The following B9D1 variants were observed in gnomAD, a reference collection of about 807,000 sequenced individuals.
B9D1 encodes the protein B9 domain-containing protein 1.
In B9D1, 20 loss-of-function variants were observed where a neutral mutation model predicts 26.1. The observed-to-expected ratio is 0.77, with a 90% confidence interval of 0.54 to 1.12. The LOEUF (loss-of-function observed/expected upper bound fraction) is 1.12, where lower values mean the gene tolerates loss of function less well. Ranked by LOEUF, B9D1 falls within the 50% of genes most tolerant of loss-of-function variation. The pLI is 0.00. For synonymous variants in B9D1, 105 were observed against 103.1 expected, an observed-to-expected ratio of 1.02 and a Z score of -0.11; for missense variants, 260 against 273.7, an observed-to-expected ratio of 0.95 and a Z score of 0.35.
At chr17:19,341,396 A>G, downstream of B9D1, 1 of 1,104,262 alleles carries the variant, frequency 9.1e-7, no homozygotes. Context: ...TCGTCCCATG[A>G]CACGTGGGGC....
chr17:19,377,719 G>T (rs1912214168), intron 1 of B9D1: 1 of 482,064 alleles, frequency 2.1e-6, no homozygotes, highest in South Asian at 8.9e-5. Flanking sequence ...GGGTGGGTCG[G>T]GACAGCTCGG....
chr17:19,362,704 C>G lies in B9D1; in HGVS notation c.-135G>C, dbSNP rs761761167. On this transcript the variant is annotated 5_prime_UTR_variant, in exon 1 of 7. Coordinates refer to ENST00000261499, the MANE Select transcript of B9D1 (RefSeq NM_015681.6). Reference sequence around the variant, plus strand: ...CAGCGACACCTTCGCGAAGGCCACGCGAGTGCGCGTGTGGCATGCGCAGGC... The same window carrying G: ...CAGCGACACCTTCGCGAAGGCCACGGGAGTGCGCGTGTGGCATGCGCAGGC... 1.0e-5 allele frequency: 15 copies of G among 1,507,472 alleles called. No individual in the cohort carries two copies. In the South Asian group the frequency reaches 1.6e-4, roughly 16 times the overall value. 93.4% of individuals were successfully genotyped at this position (1,507,472 alleles called of 1,614,324 possible).
At chr17:19,336,137 G>A (rs1182469870), downstream of B9D1, 1 of 152,262 alleles carries the variant, frequency 6.6e-6, no homozygotes, top group Non-Finnish European at 1.5e-5. Context: ...CCAGTCCCAG[G>A]AGCCGTGTCT....
downstream of B9D1, among the ~76,000 whole-genome samples, chr17:19,342,581 G>A (rs1908090474): frequency 6.6e-6 from 1 of 152,152 alleles, no homozygotes; most frequent in African/African-American, 2.4e-5. Flanking sequence ...GCCTCCCAAA[G>A]TAATGCTGAA....
At chr17:19,337,492 G>A (rs1907544370), downstream of B9D1, 2 of 513,392 alleles carry the variant, frequency 3.9e-6, no homozygotes, top group African/African-American at 3.8e-5. Flanking sequence ...CCTGGCTCCT[G>A]GTGTCCACCC....
At position 19,344,038 on chromosome 17, in the gene B9D1, G is replaced by T. The variant is rs1051085061; in HGVS notation, c.405-181C>A. Reference sequence around the variant, plus strand: ...CCCAGTGGCTGGGCTCCAGCGTGGGGTGTCCCTTGCCGAGGTCACACAGCC... The same window carrying T: ...CCCAGTGGCTGGGCTCCAGCGTGGGTTGTCCCTTGCCGAGGTCACACAGCC... On this transcript the variant is annotated intron_variant, in intron 5 of 6. Coordinates refer to ENST00000261499, the MANE Select transcript of B9D1 (RefSeq NM_015681.6). 2.0e-5 allele frequency among the ~76,000 whole-genome samples: 3 copies of T among 152,348 alleles called. No homozygotes were observed. In the East Asian group the frequency reaches 5.8e-4, roughly 29 times the overall value.
intron 1 of B9D1, among the ~76,000 whole-genome samples, chr17:19,360,827 T>A (rs1333152597): frequency 6.6e-6 from 1 of 152,158 alleles, no homozygotes; most frequent in Non-Finnish European, 1.5e-5. Flanking sequence ...CCTTTCTGTG[T>A]CCCCACTGCC....
chr17:19,352,793 T>G (rs1365156244), intron 3 of B9D1, among the ~76,000 whole-genome samples: 1 of 151,982 alleles, frequency 6.6e-6, no homozygotes, highest in Non-Finnish European at 1.5e-5. Context: ...AGTACTGGGA[T>G]TACAGGCATG....
intron 1 of B9D1, among the ~76,000 whole-genome samples, chr17:19,374,288 G>A (rs971199846): frequency 2.0e-5 from 3 of 152,162 alleles, no homozygotes; most frequent in African/African-American, 4.8e-5. Context: ...TTTCAATGGC[G>A]GGGTCACAGT....
intron 3 of B9D1, among the ~76,000 whole-genome samples, chr17:19,351,569 CTTT>C (rs890246638): frequency 6.6e-6 from 1 of 152,034 alleles, no homozygotes; most frequent in Non-Finnish European, 1.5e-5. Context: ...ACTTCCTCTT[CTTT>C]TTTTTCTTAC....
In B9D1 at chr17:19,362,570, G is replaced by A. The variant is rs1322593758; in HGVS notation, c.-1C>T. 1.3e-6 allele frequency: 2 copies of A among 1,589,036 alleles called. No individual in the cohort carries two copies. Among genetic ancestry groups the A allele is most frequent in the South Asian group, 1.1e-5 (1 of 87,494 alleles). ...AGACGCTAGGACTCGCGGTCGCCAT[G>A]GCAGGTCTGGGGGTGCCGGGGGGAC... is the stretch of plus-strand genomic sequence containing the variant. On this transcript the variant is annotated 5_prime_UTR_variant, in exon 1 of 7. Transcript: ENST00000261499.
chr17:19,342,953 G>A (rs556827985), downstream of B9D1: 16 of 445,610 alleles, frequency 3.6e-5, no homozygotes, highest in East Asian at 2.2e-4. Flanking sequence ...AATGTGTTGC[G>A]GTATAGAAAA....
rs1053478935 is a variant in B9D1, at chr17:19,347,753, G to A, written c.341+31C>T. 6.3e-7 allele frequency: 1 copy of A among 1,599,988 alleles called. No individual in the cohort carries two copies. Among genetic ancestry groups the A allele is most frequent in the Admixed American group, 1.7e-5 (1 of 59,782 alleles). ...TGAAGTCTGTCCTAGGACAAGTCCT[G>A]CCCAGGGCCCAGGTCAGAATGAGGA... On this transcript the variant is annotated intron_variant, in intron 4 of 6. Coordinates refer to ENST00000261499, the MANE Select transcript of B9D1 (RefSeq NM_015681.6). This position sits in a 1 kb window ranked among gnomAD's most constrained non-coding sequence, Gnocchi z 4.3.
chr17:19,343,022 A>G (rs1393442361), downstream of B9D1: 18 of 1,227,154 alleles, frequency 1.5e-5, no homozygotes, highest in Non-Finnish European at 5.2e-6. Flanking sequence ...CCCACATGCC[A>G]TCCTGCTGCA....
At chr17:19,374,841 TGGAAGTAAATATCTGTAAATCATG>T (rs1425224184) in intron 1 of B9D1, among the ~76,000 whole-genome samples, 2 of 152,150 alleles carry the variant, frequency 1.3e-5, no homozygotes, top group African/African-American at 2.4e-5. Flanking sequence ...ATCTGAGAAA[TGGAAGTAAATATCTGTAAATCATG>T]GGAAGTAAAT....
chr17:19,371,130 C>G (rs6587076), intron 1 of B9D1: 147,653 of 152,590 alleles, frequency 0.97, 71,700 homozygotes, highest in African/African-American at 0.99. Context: ...TGTGTGCTGA[C>G]GCAGAGCGAA....
At chr17:19,338,547 C>T (rs987294986), downstream of B9D1, among the ~76,000 whole-genome samples, 3 of 152,218 alleles carry the variant, frequency 2.0e-5, no homozygotes, top group African/African-American at 7.2e-5. Context: ...GACCTTGTCT[C>T]CCAGTGTGGT....
intron 1 of B9D1, among the ~76,000 whole-genome samples, chr17:19,376,948 C>T (rs1457329226): frequency 6.6e-6 from 1 of 152,158 alleles, no homozygotes; most frequent in African/African-American, 2.4e-5. Flanking sequence ...TTTAAATCTA[C>T]CTGTGACTTG....
chr17:19,349,005 A>G (rs1267907758), intron 3 of B9D1, among the ~76,000 whole-genome samples: 2 of 152,160 alleles, frequency 1.3e-5, no homozygotes, highest in Non-Finnish European at 2.9e-5. Context: ...ACTCGCGTGC[A>G]CACATCTCTG....
Sources: gnomAD v4.1 joint callset for allele counts (sites outside exome capture counted in the v4.1 genomes callset) on GRCh38, gnomAD v4.1.1 for gene constraint, Gnocchi (gnomAD v3.1) non-coding constraint, MANE v1.5 for transcripts, NCBI Gene and HGNC (gene_info 2026-07-23, HGNC 2026-07-21) for gene names.